Variants in PRKG1 observed in about 807,000 individuals in gnomAD.
The protein encoded by PRKG1 is protein kinase cGMP-dependent 1.
Under a neutral mutation model 88.1 loss-of-function variants are expected in PRKG1, and 35 were observed. The observed-to-expected ratio is 0.40, with a 90% CI of 0.30 to 0.53. The LOEUF is 0.53. PRKG1 is among the 20% of genes least tolerant of loss of function. PRKG1 has a pLI of 0.59. For synonymous variants in PRKG1, 303 were observed against 292.5 expected (o/e 1.04, Z -0.37); for missense variants, 540 against 839.8 (o/e 0.64, Z 4.41).
At chr10:51,174,980 TGTGA>T (rs1837151909) in intron 2 of PRKG1, among the ~76,000 whole-genome samples, 2 of 152,018 alleles carry the variant, frequency 1.3e-5, no homozygotes, top group Non-Finnish European at 2.9e-5. Context: ...ATTTATACGT[TGTGA>T]GTAATTTTTG....
At chr10:51,923,915 A>G (rs12259383) in intron 5 of PRKG1, among the ~76,000 whole-genome samples, 30,810 of 151,424 alleles carry the variant, frequency 0.2, 5,174 homozygotes, top group African/African-American at 0.46. Flanking sequence ...TGCAACCTCT[A>G]CCTCCCAGGC....
chr10:51,549,375 G>A (rs1005469203), intron 3 of PRKG1, among the ~76,000 whole-genome samples: 1 of 151,614 alleles, frequency 6.6e-6, no homozygotes. Flanking sequence ...TACCATGTTT[G>A]TTAAGAAGAA....
chr10:51,654,496 T>G (rs1402662322), intron 3 of PRKG1, among the ~76,000 whole-genome samples: 1 of 152,094 alleles, frequency 6.6e-6, no homozygotes, highest in East Asian at 1.9e-4. Flanking sequence ...GAAGATTCCT[T>G]TGGTTATTCA....
intron 2 of PRKG1, among the ~76,000 whole-genome samples, chr10:51,239,687 A>G (rs1839099280): frequency 6.6e-6 from 1 of 152,134 alleles, no homozygotes; most frequent in African/African-American, 2.4e-5. Flanking sequence ...CTGTAATGAA[A>G]TGGTTTGAGT....
At chr10:51,002,745 G>A (rs1842901963) in intron 1 of PRKG1, among the ~76,000 whole-genome samples, 1 of 152,176 alleles carries the variant, frequency 6.6e-6, no homozygotes, top group South Asian at 2.1e-4. Flanking sequence ...TAACGCTGAG[G>A]AGAAATGTAC....
chr10:51,904,709 A>G (rs2132940566), intron 4 of PRKG1, among the ~76,000 whole-genome samples: 1 of 152,138 alleles, frequency 6.6e-6, no homozygotes, highest in East Asian at 1.9e-4. Context: ...GTTTCTTCTT[A>G]AAAATCATCC....
chr10:51,370,241 C>T (rs1048436597), intron 2 of PRKG1, among the ~76,000 whole-genome samples: 1 of 152,016 alleles, frequency 6.6e-6, no homozygotes, highest in African/African-American at 2.4e-5. Context: ...TCTTACAAAA[C>T]CATTGTTGTT....
chr10:51,096,201 A>G (rs1844522943), intron 1 of PRKG1, among the ~76,000 whole-genome samples: 1 of 151,988 alleles, frequency 6.6e-6, no homozygotes, highest in South Asian at 2.1e-4. Context: ...GGGAGGTGAA[A>G]GAAGGAAAGA....
chr10:50,991,312 C>CCGA lies in PRKG1; in HGVS notation c.-65_-64insACG. On this transcript the variant is annotated 5_prime_UTR_variant, in exon 1 of 18. Transcript: ENST00000401604. This position sits in a 1 kb window ranked among gnomAD's most constrained non-coding sequence, Gnocchi z 4.5. Reference sequence around the variant, plus strand: ...TCTCCGCTGCCGGCTGCCGTCCCAGCCGCCGCCGCCGCCGCCGCCGCCGCC... The same window carrying CCGA: ...TCTCCGCTGCCGGCTGCCGTCCCAGCCGACGCCGCCGCCGCCGCCGCCGCCGCC... 1.2e-6 allele frequency: 1 copy of CCGA among 802,734 alleles called. No individual in the cohort carries two copies. Among genetic ancestry groups the CCGA allele is most frequent in the Non-Finnish European group, 1.7e-6 (1 of 596,674 alleles). 49.7% of individuals were successfully genotyped at this position (802,734 alleles called of 1,614,324 possible).
intron 2 of PRKG1, among the ~76,000 whole-genome samples, chr10:51,190,806 C>A (rs1046524596): frequency 2.0e-5 from 3 of 151,822 alleles, no homozygotes; most frequent in East Asian, 3.9e-4. Flanking sequence ...TTTTGAACCT[C>A]CACTTTTTCT....
Position 51,944,284 on chromosome 10 carries a change from C to A in PRKG1, c.762+36714C>A, listed in dbSNP as rs146253149. Among the ~76,000 whole-genome samples the A allele has an allele frequency of 9.9e-4, 150 of 152,024 alleles. 2 individuals are homozygous for A. The highest frequency in any genetic ancestry group is 3.5e-3 in the African/African-American group (145 of 41,382). On this transcript the variant is annotated intron_variant, in intron 5 of 17. Transcript: ENST00000373980. The stretch of plus-strand genomic sequence containing the variant: ...TCTCTGATGGCAGTTCGTATTTCTG[C>A]GGGATCAGTGGTGATATCCCCTTTA...
intron 3 of PRKG1, among the ~76,000 whole-genome samples, chr10:51,787,086 A>G (rs918715713): frequency 5.3e-5 from 8 of 152,178 alleles, no homozygotes; most frequent in African/African-American, 1.7e-4. Flanking sequence ...CTTACAGAAG[A>G]TGAGCTCTAT....
At chr10:52,205,416 T>C (rs1418540968) in intron 9 of PRKG1, among the ~76,000 whole-genome samples, 3 of 152,126 alleles carry the variant, frequency 2.0e-5, no homozygotes, top group Non-Finnish European at 4.4e-5. Context: ...TTTTACTCTT[T>C]CCCTTTATTT....
chr10:52,213,679 A>G (rs10824246), intron 9 of PRKG1, among the ~76,000 whole-genome samples: 23,079 of 152,120 alleles, frequency 0.15, 2,544 homozygotes, highest in East Asian at 0.52. Context: ...GATAGTCACT[A>G]CAGAGATGGA....
chr10:51,934,096 A>C (rs1842752527), intron 5 of PRKG1, among the ~76,000 whole-genome samples: 1 of 152,154 alleles, frequency 6.6e-6, no homozygotes, highest in Non-Finnish European at 1.5e-5. Context: ...ATAGAACCAC[A>C]TCAAAATTGA....
intron 2 of PRKG1, among the ~76,000 whole-genome samples, chr10:51,192,664 A>G (rs895042642): frequency 1.3e-5 from 2 of 151,992 alleles, no homozygotes; most frequent in Non-Finnish European, 2.9e-5. Context: ...AGAGATTTTC[A>G]TCTTAAAAAG....
At chr10:51,750,046 C>T (rs1009440471) in intron 3 of PRKG1, among the ~76,000 whole-genome samples, 3 of 151,600 alleles carry the variant, frequency 2.0e-5, no homozygotes, top group Non-Finnish European at 2.9e-5. Flanking sequence ...AGCGATTCTC[C>T]TGTCTCAGCC....
intron 3 of PRKG1, among the ~76,000 whole-genome samples, chr10:51,674,543 G>A (rs531387932): frequency 8.7e-4 from 133 of 152,132 alleles, no homozygotes; most frequent in Middle Eastern, 3.4e-3. Context: ...CAAGAAATTT[G>A]GCAGATTCTA....
chr10:51,493,576 T>C (rs1840767047), intron 3 of PRKG1, among the ~76,000 whole-genome samples: 1 of 152,172 alleles, frequency 6.6e-6, no homozygotes, highest in African/African-American at 2.4e-5. Context: ...TTTGAGAGAA[T>C]AAATGAGTCA....
Sources: allele counts gnomAD v4.1 joint callset (sites outside exome capture counted in the v4.1 genomes callset), GRCh38; gene constraint gnomAD v4.1.1; non-coding constraint Gnocchi (gnomAD v3.1); transcripts MANE v1.5; gene names NCBI Gene and HGNC (gene_info 2026-07-23, HGNC 2026-07-21).